The following MVB12B variants were observed in gnomAD, a reference collection of about 807,000 sequenced individuals.
The protein encoded by MVB12B is ESCRT-I complex subunit MVB12B.
MVB12B carries 16 observed loss-of-function variants against 41.6 expected under a neutral mutation model. The observed-to-expected ratio is 0.38, with a 90% CI of 0.26 to 0.58. The LOEUF is 0.58. Among genes scored for constraint, MVB12B ranks in the 20% least tolerant of loss-of-function variants. The pLI is 0.62. For missense variants in MVB12B, 274 were observed against 380.2 expected (o/e 0.72, Z 2.32); for synonymous variants, 133 against 139.7 (o/e 0.95, Z 0.34).
chr9:126,462,683 T>A (rs1833113386), intron 7 of MVB12B, among the ~76,000 whole-genome samples: 1 of 152,178 alleles, frequency 6.6e-6, no homozygotes, highest in South Asian at 2.1e-4. Context: ...CAGGCCCTGT[T>A]ATTAAATCTT....
At chr9:126,383,681 A>G (rs967124096) in intron 3 of MVB12B, among the ~76,000 whole-genome samples, 1 of 152,060 alleles carries the variant, frequency 6.6e-6, no homozygotes, top group African/African-American at 2.4e-5. Flanking sequence ...GGAGGAAATG[A>G]AAGAGAGAAC....
chr9:126,457,519 T>A (rs999929427), intron 7 of MVB12B, among the ~76,000 whole-genome samples: 16 of 152,322 alleles, frequency 1.1e-4, no homozygotes, highest in East Asian at 5.8e-4. Flanking sequence ...GTTATTTTTT[T>A]AAATTATTTT....
chr9:126,481,489 A>G, intron 8 of MVB12B, 65 bp downstream of exon 8: 1 of 1,202,810 alleles, frequency 8.3e-7, no homozygotes, highest in Non-Finnish European at 1.2e-6. Flanking sequence ...CTCCATCCTG[A>G]TTTACACAGC....
Position 126,405,857 on chromosome 9 carries a change from AATT to A in MVB12B, c.662+10169_662+10171del, listed in dbSNP as rs200610525. Among the ~76,000 whole-genome samples the A allele has an allele frequency of 9.2e-3, 1,376 of 149,078 alleles. 9 individuals are homozygous for A. The highest frequency in any genetic ancestry group is 0.016 in the Non-Finnish European group (1,072 of 67,412). ...TAATTATTATTATTAGAATAAATAC[AATT>A]ATTATTATCATCATTATTATTTCAG... On this transcript the variant is annotated intron_variant, in intron 6 of 9. Transcript: ENST00000361171.
chr9:126,350,004 C>T (rs1588094699), intron 2 of MVB12B, among the ~76,000 whole-genome samples: 1 of 152,140 alleles, frequency 6.6e-6, no homozygotes. Flanking sequence ...CATTTGTTAT[C>T]GTCAGTATTT....
chr9:126,423,148 G>A (rs1053128881), intron 7 of MVB12B, among the ~76,000 whole-genome samples: 4 of 152,224 alleles, frequency 2.6e-5, no homozygotes, highest in Admixed American at 1.3e-4. Flanking sequence ...GTGGCATAGA[G>A]GTGCAGAACA....
intron 2 of MVB12B, among the ~76,000 whole-genome samples, chr9:126,358,261 C>A (rs954245238): frequency 6.6e-6 from 1 of 151,406 alleles, no homozygotes; most frequent in African/African-American, 2.4e-5. Context: ...TAACTTTATT[C>A]TTTTTCAAAG....
chr9:126,365,090 G>A (rs1830132691), intron 2 of MVB12B, among the ~76,000 whole-genome samples: 1 of 150,620 alleles, frequency 6.6e-6, no homozygotes, highest in Admixed American at 6.6e-5. Context: ...GTCTTGCTCT[G>A]TCACCCAGGC....
rs78954759 is a variant in MVB12B at position 126,427,509 on chromosome 9, G to A, written c.757+5561G>A. ...TACGGCAGGTTTTGCTTAACAAACG[G>A]GACTGTGGGATGGGAAATGATACCA... On this transcript the variant is annotated intron_variant, in intron 7 of 9. Transcript: ENST00000361171. 5.1e-3 allele frequency among the ~76,000 whole-genome samples: 777 copies of A among 152,128 alleles called. 12 individuals are homozygous for A. Among genetic ancestry groups the A allele is most frequent in the African/African-American group, 0.018 (748 of 41,476 alleles).
intron 4 of MVB12B, among the ~76,000 whole-genome samples, chr9:126,390,049 C>T (rs1830902380): frequency 6.6e-6 from 1 of 152,148 alleles, no homozygotes; most frequent in South Asian, 2.1e-4. Context: ...ATAAGAAACC[C>T]TGGGCAGGAC....
In MVB12B at chr9:126,333,068, G is replaced by A. The variant is rs1275566089; in HGVS notation, c.81+6058G>A. On this transcript the variant is annotated intron_variant, in intron 1 of 9. Coordinates refer to ENST00000361171, the MANE Select transcript of MVB12B (RefSeq NM_033446.3). This position sits in a 1 kb window ranked among gnomAD's most constrained non-coding sequence, Gnocchi z 4.7. ...AATTGGAGAAAGTTTGAGGGGAATG[G>A]AAGATGTGACCCTGGTGTTTTGTTT... Among the ~76,000 whole-genome samples the A allele has an allele frequency of 2.0e-5, 3 of 152,122 alleles. No homozygotes were observed. The highest frequency in any genetic ancestry group is 7.2e-5 in the African/African-American group (3 of 41,430).
chr9:126,410,253 G>A (rs1265042690), intron 6 of MVB12B, among the ~76,000 whole-genome samples: 1 of 152,142 alleles, frequency 6.6e-6, no homozygotes, highest in Non-Finnish European at 1.5e-5. Flanking sequence ...CTGGTAGGTT[G>A]GAGTTGCATT....
chr9:126,483,796 TCTC>T (rs977529363), intron 8 of MVB12B, among the ~76,000 whole-genome samples, 174 bp from the exon 9 acceptor site: 1 of 152,002 alleles, frequency 6.6e-6, no homozygotes, highest in Non-Finnish European at 1.5e-5. Context: ...TATCATCACT[TCTC>T]CTGCCACCCC....
intron 6 of MVB12B, among the ~76,000 whole-genome samples, chr9:126,409,509 G>C (rs893162397): frequency 3.9e-5 from 6 of 152,118 alleles, no homozygotes; most frequent in Non-Finnish European, 7.4e-5. Flanking sequence ...GCACCACCCT[G>C]GTGCCCAGTG....
chr9:126,471,420 G>A (rs1243116746), intron 7 of MVB12B, among the ~76,000 whole-genome samples: 1 of 152,236 alleles, frequency 6.6e-6, no homozygotes, highest in African/African-American at 2.4e-5. Context: ...GGACTCGGGA[G>A]GCTCCGGCAG....
chr9:126,379,873 A>G (rs576771996), intron 2 of MVB12B, among the ~76,000 whole-genome samples: 3 of 152,164 alleles, frequency 2.0e-5, no homozygotes, highest in Admixed American at 6.5e-5. Flanking sequence ...CTCTGTGCAG[A>G]GCCTGCAGTC....
rs772651109 is a variant in MVB12B at position 126,503,192 on chromosome 9, C to T, written c.889C>T (p.Arg297Cys). The T allele has an allele frequency of 1.1e-4, 170 of 1,550,744 alleles. 1 individual carries two copies. The Middle Eastern group carries it at 1.7e-3, about 15-fold the overall frequency. ...GCCCCTGCAGTACGAGTACAGCTTCCGCACAGAGCAGAGCGCAGCCGCCAG... is the reference window on the plus strand; with the variant it reads ...GCCCCTGCAGTACGAGTACAGCTTCTGCACAGAGCAGAGCGCAGCCGCCAG... ...EIEKEYEYSF[R>C]TEQSAAARLP... Residue 297 changes from arginine (R) to cysteine (C), a missense_variant, in exon 10 of 10, where the codon CGC (arginine) becomes TGC (cysteine). Transcript: ENST00000361171.
chr9:126,482,159 TC>T lies in MVB12B; in HGVS notation c.813+737del, dbSNP rs1833536763. 2.0e-5 allele frequency among the ~76,000 whole-genome samples: 3 copies of T among 148,408 alleles called. No individual in the cohort carries two copies. The South Asian group carries it at 6.4e-4, about 32-fold the overall frequency. ...TGCCTCTCACTGCTAGGGTCAGCCC[TC>T]CAATGGCGCCAGCCCCCAAGGTGGC... On this transcript the variant is annotated intron_variant, in intron 8 of 9. Coordinates refer to ENST00000361171, the MANE Select transcript of MVB12B (RefSeq NM_033446.3).
chr9:126,404,111 G>A (rs1179964093), intron 6 of MVB12B, among the ~76,000 whole-genome samples: 2 of 151,790 alleles, frequency 1.3e-5, no homozygotes, highest in African/African-American at 2.4e-5. Flanking sequence ...GTGCCACCAC[G>A]CCTAGCTAAT....
Sources: allele counts gnomAD v4.1 joint callset (sites outside exome capture counted in the v4.1 genomes callset), GRCh38; gene constraint gnomAD v4.1.1; non-coding constraint Gnocchi (gnomAD v3.1); transcripts MANE v1.5; gene names NCBI Gene and HGNC (gene_info 2026-07-23, HGNC 2026-07-21).